FILIP1: variants seen among roughly 807,000 people sequenced by gnomAD.
The protein encoded by FILIP1 is filamin A interacting protein 1, also known as filamin-A-interacting protein 1.
Under a neutral mutation model 102.1 loss-of-function variants are expected in FILIP1, and 61 were observed. The observed-to-expected ratio is 0.60, with a 90% CI of 0.49 to 0.74. FILIP1 has a LOEUF of 0.74. Ranked by LOEUF, FILIP1 falls within the 30% of genes least tolerant of loss-of-function variation. FILIP1 has a pLI of 0.00. For synonymous variants in FILIP1, 491 were observed against 526.9 expected (o/e 0.93, Z 0.93); for missense variants, 1,314 against 1,441.2 (o/e 0.91, Z 1.43).
At chr6:75,441,926 G>A (rs1457065574) in intron 1 of FILIP1, among the ~76,000 whole-genome samples, 2 of 151,274 alleles carry the variant, frequency 1.3e-5, no homozygotes, top group Non-Finnish European at 1.5e-5. Context: ...GGCTGGCCGG[G>A]CGGGGGGCTG....
rs759164859 is a variant in FILIP1 at position 75,414,888 on chromosome 6, C to T, written c.85G>A (p.Glu29Lys). Residue 29 changes from glutamate (E) to lysine (K), a missense_variant, in exon 2 of 6, where the codon GAA (glutamate) becomes AAA (lysine). Physicochemically the swap from Glu to Lys is moderately conservative, Grantham distance 56 (BLOSUM62 1). Coordinates refer to ENST00000237172, the MANE Select transcript of FILIP1 (RefSeq NM_015687.5). ...PKPSIIGNAG[E>K]KSLSEDAKKK... ...TTTGCATCTTCTGAGAGACTTTTTT[C>T]ACCAGCATTGCCGATGATGGAGGGC... is the stretch of plus-strand genomic sequence containing the variant. 1.9e-6 allele frequency: 3 copies of T among 1,613,844 alleles called. No individual in the cohort carries two copies. Among genetic ancestry groups the T allele is most frequent in the Non-Finnish European group, 2.5e-6 (3 of 1,179,860 alleles).
intron 4 of FILIP1, among the ~76,000 whole-genome samples, chr6:75,349,470 C>T (rs1248117566): frequency 6.6e-6 from 1 of 152,050 alleles, no homozygotes. Flanking sequence ...ACCACTCAGG[C>T]TTATCTCAAA....
chr6:75,433,524 G>C (rs1777901061), intron 1 of FILIP1, among the ~76,000 whole-genome samples: 1 of 152,146 alleles, frequency 6.6e-6, no homozygotes, highest in South Asian at 2.1e-4. Context: ...TGATGGGGTT[G>C]ATTTTTTCTT....
intron 3 of FILIP1, chr6:75,360,631 G>C (rs1775145662): frequency 1.3e-5 from 2 of 152,248 alleles, no homozygotes; most frequent in African/African-American, 4.8e-5. Context: ...AAGAAGGGCA[G>C]AGAGATTTAA....
intron 1 of FILIP1, among the ~76,000 whole-genome samples, chr6:75,429,788 T>C (rs1777763424): frequency 6.6e-6 from 1 of 152,182 alleles, no homozygotes; most frequent in Non-Finnish European, 1.5e-5. Flanking sequence ...GGAAATATGA[T>C]ACTGATCTTT....
chr6:75,370,132 C>G (rs1386109862), intron 2 of FILIP1, among the ~76,000 whole-genome samples: 2 of 152,160 alleles, frequency 1.3e-5, no homozygotes, highest in Non-Finnish European at 2.9e-5. Flanking sequence ...TAAATATGAC[C>G]CCATTGCTGC....
At chr6:75,474,507 C>A (rs1441763217) in intron 1 of FILIP1, among the ~76,000 whole-genome samples, 1 of 152,146 alleles carries the variant, frequency 6.6e-6, no homozygotes, top group African/African-American at 2.4e-5. Flanking sequence ...CTTGCTTCTT[C>A]CCTTGAAGAA....
chr6:75,443,669 TAAAC>T (rs1403737788), intron 1 of FILIP1, among the ~76,000 whole-genome samples: 2 of 152,196 alleles, frequency 1.3e-5, no homozygotes, highest in African/African-American at 4.8e-5. Flanking sequence ...TCATTTCTCT[TAAAC>T]AACTATAAGA....
intron 1 of FILIP1, among the ~76,000 whole-genome samples, chr6:75,488,432 T>G (rs1457559470): frequency 6.6e-6 from 1 of 151,236 alleles, no homozygotes; most frequent in Non-Finnish European, 1.5e-5. Context: ...AAACATAGAC[T>G]GACCATTTAA....
At chr6:75,480,033 T>C (rs1379802297) in intron 1 of FILIP1, among the ~76,000 whole-genome samples, 1 of 152,012 alleles carries the variant, frequency 6.6e-6, no homozygotes, top group Non-Finnish European at 1.5e-5. Context: ...ATCAGATGTT[T>C]TAGTCTTATG....
chr6:75,345,428 G>A (rs928878034), intron 4 of FILIP1, among the ~76,000 whole-genome samples: 3 of 151,224 alleles, frequency 2.0e-5, no homozygotes, highest in African/African-American at 7.3e-5. Flanking sequence ...CGGGAAGCTC[G>A]CACAGGTGAA....
chr6:75,461,046 C>A (rs1779007930), intron 1 of FILIP1, among the ~76,000 whole-genome samples: 2 of 152,128 alleles, frequency 1.3e-5, no homozygotes, highest in Admixed American at 6.6e-5. Context: ...CTCTATCTGA[C>A]CTTTCACTTT....
intron 1 of FILIP1, among the ~76,000 whole-genome samples, chr6:75,432,240 A>G (rs962768342): frequency 1.3e-5 from 2 of 152,268 alleles, no homozygotes; most frequent in African/African-American, 4.8e-5. Flanking sequence ...ACTCAAAACT[A>G]AGTTTGAAGA....
At chr6:75,481,779 T>C (rs143770778) in intron 1 of FILIP1, among the ~76,000 whole-genome samples, 2 of 152,284 alleles carry the variant, frequency 1.3e-5, no homozygotes, top group Non-Finnish European at 2.9e-5. Context: ...GCAGACTGAG[T>C]GGACCTCACT....
intron 2 of FILIP1, among the ~76,000 whole-genome samples, chr6:75,375,036 C>A: frequency 6.6e-6 from 1 of 152,162 alleles, no homozygotes; most frequent in East Asian, 1.9e-4. Flanking sequence ...AGAACTCATC[C>A]CCAGGGAGGA....
intron 1 of FILIP1, among the ~76,000 whole-genome samples, chr6:75,483,562 A>G (rs953126585): frequency 1.3e-5 from 2 of 152,162 alleles, no homozygotes; most frequent in Admixed American, 6.5e-5. Context: ...TAAGAAACAA[A>G]GTCATGAGGG....
At chr6:75,484,762 C>G (rs1052254690) in intron 1 of FILIP1, among the ~76,000 whole-genome samples, 1 of 152,154 alleles carries the variant, frequency 6.6e-6, no homozygotes, top group African/African-American at 2.4e-5. Flanking sequence ...TCCCCAGGAC[C>G]AAAGCCATGT....
chr6:75,408,050 T>C (rs1175070230), intron 2 of FILIP1, among the ~76,000 whole-genome samples: 2 of 152,230 alleles, frequency 1.3e-5, no homozygotes, highest in African/African-American at 4.8e-5. Flanking sequence ...AAATTAATCA[T>C]GGTGCCCAAA....
chr6:75,305,038 A>G (rs1772941482), downstream of FILIP1, among the ~76,000 whole-genome samples: 1 of 152,214 alleles, frequency 6.6e-6, no homozygotes, highest in South Asian at 2.1e-4. Context: ...AAAATGAGAG[A>G]GGTCAGAGGA....
Sources: gnomAD v4.1 joint callset for allele counts (sites outside exome capture counted in the v4.1 genomes callset) on GRCh38, gnomAD v4.1.1 for gene constraint, MANE v1.5 for transcripts, NCBI Gene and HGNC (gene_info 2026-07-23, HGNC 2026-07-21) for gene names.